The following SMYD3 variants were observed in gnomAD, a reference collection of about 807,000 sequenced individuals.
The protein encoded by SMYD3 is SET and MYND domain containing 3.
Under a neutral mutation model 57.7 loss-of-function variants are expected in SMYD3, and 36 were observed. That is an observed-to-expected ratio of 0.62 (90% CI 0.48 to 0.82). SMYD3 has a LOEUF of 0.82. SMYD3 is among the 40% of genes least tolerant of loss of function. The probability of loss-of-function intolerance (pLI) is 0.00; values close to 1 mark genes in which losing one functional copy is unlikely to be tolerated. For missense variants in SMYD3, 515 were observed against 538.8 expected, an observed-to-expected ratio of 0.96 and a Z score of 0.44; for synonymous variants, 211 against 195.0, an observed-to-expected ratio of 1.08 and a Z score of -0.68.
At chr1:245,926,163 T>C (rs550079901) in intron 7 of SMYD3, among the ~76,000 whole-genome samples, 1 of 152,318 alleles carries the variant, frequency 6.6e-6, no homozygotes, top group South Asian at 2.1e-4. Context: ...TTATCTAATC[T>C]GGATTACTTC....
At chr1:246,440,181 T>G (rs2067441510) in intron 1 of SMYD3, among the ~76,000 whole-genome samples, 1 of 152,122 alleles carries the variant, frequency 6.6e-6, no homozygotes, top group South Asian at 2.1e-4. Context: ...ACAACCACTA[T>G]TAAACCAATA....
chr1:246,214,582 T>C (rs2063136377), intron 5 of SMYD3, among the ~76,000 whole-genome samples: 1 of 152,074 alleles, frequency 6.6e-6, no homozygotes, highest in Non-Finnish European at 1.5e-5. Flanking sequence ...AGTAAGTAAA[T>C]ACATAATAAG....
chr1:246,303,485 C>A (rs1252118879), intron 5 of SMYD3, among the ~76,000 whole-genome samples: 1 of 152,150 alleles, frequency 6.6e-6, no homozygotes, highest in African/African-American at 2.4e-5. Flanking sequence ...TAAATCTATA[C>A]ACTTATAATA....
At chr1:245,900,347 T>C (rs2054103223) in intron 8 of SMYD3, among the ~76,000 whole-genome samples, 1 of 152,232 alleles carries the variant, frequency 6.6e-6, no homozygotes, top group Admixed American at 6.5e-5. Flanking sequence ...ACATCATTTT[T>C]GAGCAATAAA....
intron 5 of SMYD3, among the ~76,000 whole-genome samples, chr1:246,126,981 A>G (rs2061519305): frequency 6.6e-6 from 1 of 152,176 alleles, no homozygotes; most frequent in Non-Finnish European, 1.5e-5. Flanking sequence ...ACACATTACA[A>G]AGATGCAGCA....
chr1:246,000,701 C>T (rs907171317), intron 5 of SMYD3, among the ~76,000 whole-genome samples: 7 of 152,222 alleles, frequency 4.6e-5, no homozygotes, highest in African/African-American at 1.7e-4. Context: ...AGGGCGCTCA[C>T]TAATCAAGAT....
intron 10 of SMYD3, among the ~76,000 whole-genome samples, chr1:245,796,717 A>C (rs2047537516): frequency 1.3e-5 from 2 of 152,218 alleles, no homozygotes; most frequent in African/African-American, 4.8e-5. Flanking sequence ...GTGAGTGTGG[A>C]GGAGAGCAGA....
chr1:245,946,674 TA>T (rs1200841697), intron 5 of SMYD3, among the ~76,000 whole-genome samples: 4 of 152,114 alleles, frequency 2.6e-5, no homozygotes, highest in African/African-American at 7.2e-5. Context: ...GGGGTTAAGC[TA>T]AAGGTCGGGT....
At chr1:245,925,686 A>G (rs1330217544) in intron 7 of SMYD3, among the ~76,000 whole-genome samples, 1 of 152,228 alleles carries the variant, frequency 6.6e-6, no homozygotes, top group Admixed American at 6.5e-5. Context: ...AGTCGATTCA[A>G]CAAAAAGTTA....
At chr1:246,394,986 T>C (rs1226840210) in intron 1 of SMYD3, among the ~76,000 whole-genome samples, 2 of 152,100 alleles carry the variant, frequency 1.3e-5, no homozygotes, top group African/African-American at 2.4e-5. Flanking sequence ...TACTTTATGA[T>C]ATGAGGCTCC....
At chr1:246,012,430 T>C (rs12746104) in intron 5 of SMYD3, among the ~76,000 whole-genome samples, 68,556 of 152,022 alleles carry the variant, frequency 0.45, 19,332 homozygotes, top group Non-Finnish European at 0.64. Context: ...ACAGAACTTG[T>C]AGCAATTCTC....
intron 2 of SMYD3, among the ~76,000 whole-genome samples, chr1:246,348,077 T>TATATATATACAC: frequency 3.5e-5 from 3 of 86,484 alleles, no homozygotes; most frequent in Admixed American, 1.4e-4. Flanking sequence ...TATATATATA[T>TATATATATACAC]ACACACACAC....
intron 5 of SMYD3, among the ~76,000 whole-genome samples, chr1:246,054,565 T>G (rs185168343): frequency 1.3e-5 from 2 of 152,286 alleles, no homozygotes; most frequent in East Asian, 3.9e-4. Flanking sequence ...AATGAATTAC[T>G]GATAGGTCCA....
At chr1:246,235,670 T>C (rs77221629) in intron 5 of SMYD3, among the ~76,000 whole-genome samples, 9,002 of 152,172 alleles carry the variant, frequency 0.059, 431 homozygotes, top group African/African-American at 0.12. Context: ...CACATTATGC[T>C]AGAACCTCTA....
At chr1:246,334,095 A>G (rs2065502636) in intron 3 of SMYD3, among the ~76,000 whole-genome samples, 1 of 152,128 alleles carries the variant, frequency 6.6e-6, no homozygotes, top group Non-Finnish European at 1.5e-5. Context: ...GGCTGCAGAG[A>G]AAAGGGAACA....
chr1:246,380,976 T>C (rs1313338422), intron 1 of SMYD3, among the ~76,000 whole-genome samples: 1 of 152,164 alleles, frequency 6.6e-6, no homozygotes, highest in Non-Finnish European at 1.5e-5. Flanking sequence ...CTAAGAATGA[T>C]GTTGCCAGTA....
rs138940293 is a variant in SMYD3 at position 245,885,314 on chromosome 1, G to A, written c.814-21428C>T. ...AAGTCAGTGAGACCAAGAACCCACC[G>A]GAAGGAACCAATTCCGGACACACCA... On this transcript the variant is annotated intron_variant, in intron 8 of 11. Transcript: ENST00000490107. Among the ~76,000 whole-genome samples the A allele has an allele frequency of 1.2e-3, 187 of 152,282 alleles. 1 individual carries two copies. Among genetic ancestry groups the A allele is most frequent in the South Asian group, 2.1e-3 (10 of 4,824 alleles).
At chr1:246,074,993 A>T (rs989189296) in intron 5 of SMYD3, among the ~76,000 whole-genome samples, 2 of 152,106 alleles carry the variant, frequency 1.3e-5, no homozygotes, top group South Asian at 2.1e-4. Flanking sequence ...ATAACATATT[A>T]AAAATGTTCT....
chr1:246,392,166 T>C (rs1558440757), intron 1 of SMYD3, among the ~76,000 whole-genome samples: 1 of 152,268 alleles, frequency 6.6e-6, no homozygotes, highest in East Asian at 1.9e-4. Context: ...TAATAGGCAT[T>C]CGGTAAATGC....
Sources: allele counts gnomAD v4.1 joint callset (sites outside exome capture counted in the v4.1 genomes callset), GRCh38; gene constraint gnomAD v4.1.1; transcripts MANE v1.5; gene names NCBI Gene and HGNC (gene_info 2026-07-23, HGNC 2026-07-21).